The following KCTD18 variants were observed in gnomAD, a reference collection of about 807,000 sequenced individuals.
KCTD18 encodes BTB/POZ domain-containing protein KCTD18.
KCTD18 carries 22 observed loss-of-function variants against 30.4 expected under a neutral mutation model. That is an observed-to-expected ratio of 0.72 (90% CI 0.52 to 1.03). The LOEUF (loss-of-function observed/expected upper bound fraction) is 1.03, where lower values mean the gene tolerates loss of function less well. Among genes scored for constraint, KCTD18 ranks in the 50% least tolerant of loss-of-function variants. KCTD18 has a pLI of 0.00. For missense variants in KCTD18, 529 were observed against 547.6 expected (o/e 0.97, Z 0.34); for synonymous variants, 186 against 209.0 (o/e 0.89, Z 0.95).
In KCTD18 at chr2:200,489,399, T is replaced by C. The variant is rs1206313511; in HGVS notation, c.*701A>G. The C allele has an allele frequency of 6.6e-6, 1 of 152,546 alleles. No homozygotes were observed. Among genetic ancestry groups the C allele is most frequent in the East Asian group, 1.9e-4 (1 of 5,208 alleles). The allele number at this position is 152,546 out of a possible 1,614,324, so 9.4% of individuals were successfully genotyped here. A position where few individuals can be genotyped will look rare whatever the true frequency, so the allele number is the denominator to read the frequency against. ...ACTTCACTATTCAAATTAAATAGGA[T>C]ATTTTAATAATTTACTTCAAAGATA... is the stretch of plus-strand genomic sequence containing the variant. On this transcript the variant is annotated 3_prime_UTR_variant, in exon 7 of 7. Transcript: ENST00000359878.
intron 2 of KCTD18, 118 bp downstream of exon 2, chr2:200,506,739 T>C: frequency 1.2e-6 from 1 of 837,054 alleles, no homozygotes; most frequent in Non-Finnish European, 1.9e-6. Flanking sequence ...AGAGTCCTAA[T>C]GATCTCAGTA....
intron 3 of KCTD18, among the ~76,000 whole-genome samples, chr2:200,503,297 T>C (rs570600478): frequency 6.6e-6 from 1 of 152,230 alleles, no homozygotes; most frequent in Non-Finnish European, 1.5e-5. Flanking sequence ...TGCACTTTCA[T>C]TTAATATTGC....
rs1387965738 is a variant in KCTD18, at chr2:200,504,831, TGCCAAA to T, written c.283_288del (p.Phe95_Gly96del). 2 of 1,614,080 alleles carry T rather than the reference TGCCAAA, an allele frequency of 1.2e-6. No homozygotes were observed. The highest frequency in any genetic ancestry group is 3.3e-5 in the Admixed American group (2 of 60,002). ...TCAGACAGGCTGTATGGATAAGGGA[TGCCAAA>T]GTAATCAGCCTCTTCCTGTAGGGCG... On this transcript the variant is annotated inframe_deletion, in exon 3 of 7. Transcript: ENST00000359878.
In KCTD18 at chr2:200,492,986, T is replaced by C. The variant is rs183995897; in HGVS notation, c.764+186A>G. On this transcript the variant is annotated intron_variant, in intron 6 of 6. Coordinates refer to ENST00000359878, the MANE Select transcript of KCTD18 (RefSeq NM_152387.4). ...GCAGTTACAAAGAATTATAGCCACT[T>C]TTTACATAGTTTTGGTAACTTTATA... is the stretch of plus-strand genomic sequence containing the variant. Among the ~76,000 whole-genome samples the C allele has an allele frequency of 3.0e-4, 46 of 152,352 alleles. No homozygotes were observed. The East Asian group carries it at 8.3e-3, about 27-fold the overall frequency.
In KCTD18 at chr2:200,489,753, GGTTGCAACAAGTAAC is replaced by G; in HGVS notation, c.*332_*346del. On this transcript the variant is annotated 3_prime_UTR_variant, in exon 7 of 7. Coordinates refer to ENST00000359878, the MANE Select transcript of KCTD18 (RefSeq NM_152387.4). Reference sequence around the variant, plus strand: ...AGGCCAAACCTCATGCCCATCCTCGGGTTGCAACAAGTAACGTTTACTTCAGCAACAAAGTGGACC... The same window carrying G: ...AGGCCAAACCTCATGCCCATCCTCGGGTTTACTTCAGCAACAAAGTGGACC... 1 of 219,150 alleles carries G rather than the reference GGTTGCAACAAGTAAC, an allele frequency of 4.6e-6. No individual in the cohort carries two copies. The highest frequency in any genetic ancestry group is 9.0e-6 in the Non-Finnish European group (1 of 111,670). The allele number at this position is 219,150 out of a possible 1,614,324, so 13.6% of individuals were successfully genotyped here.
chr2:200,494,851 C>T (rs1250122208), intron 5 of KCTD18, among the ~76,000 whole-genome samples: 1 of 152,088 alleles, frequency 6.6e-6, no homozygotes, highest in African/African-American at 2.4e-5. Context: ...AATCAATGTC[C>T]CCTCCATATC....
Position 200,499,036 on chromosome 2 carries a change from T to C in KCTD18, c.421A>G (p.Thr141Ala), listed in dbSNP as rs576375930. 6.2e-6 allele frequency: 10 copies of C among 1,614,080 alleles called. No individual in the cohort carries two copies. Among genetic ancestry groups the C allele is most frequent in the African/African-American group, 1.3e-5 (1 of 75,048 alleles). Reference protein sequence around the residue: ...DSYGLVCNKPTVWVLHYLNTS... With the variant: ...DSYGLVCNKPAVWVLHYLNTS... ...TTAAGATAGTGGAGAACCCAAACTG[T>C]TGGTTTATTGCAGACTAAGCCATAT... The change falls in exon 4 of 7, where the codon ACA becomes GCA. Residue 141 changes from threonine to alanine, a missense_variant. Physicochemically the swap from Thr to Ala is moderately conservative, Grantham distance 58. Transcript: ENST00000359878.
At chr2:200,500,753 A>C (rs372298028) in intron 3 of KCTD18, among the ~76,000 whole-genome samples, 7 of 151,230 alleles carry the variant, frequency 4.6e-5, no homozygotes, top group African/African-American at 1.7e-4. Flanking sequence ...GCTACCAATG[A>C]CTTTCTTCAC....
Position 200,490,378 on chromosome 2 carries a change from C to G in KCTD18, c.1003G>C (p.Val335Leu). ...GGATGCCCAGGTGCCCCCGTGCCCACCAGGGCCGTGGCTCTGGAAGGTGCA... is the reference window on the plus strand; with the variant it reads ...GGATGCCCAGGTGCCCCCGTGCCCAGCAGGGCCGTGGCTCTGGAAGGTGCA... ...RSAPSRATAL[V>L]GTGAPGHPQA... Residue 335 changes from valine to leucine, a missense_variant, in exon 7 of 7, where the codon GTG (valine) becomes CTG (leucine). Val to Leu is a conservative substitution (Grantham distance 32). Coordinates refer to ENST00000359878, the MANE Select transcript of KCTD18 (RefSeq NM_152387.4). 1 of 1,614,206 alleles carries G rather than the reference C, an allele frequency of 6.2e-7. No homozygotes were observed. Among genetic ancestry groups the G allele is most frequent in the Non-Finnish European group, 8.5e-7 (1 of 1,180,044 alleles).
chr2:200,490,880 A>G (rs185335646), intron 6 of KCTD18, among the ~76,000 whole-genome samples: 10 of 152,342 alleles, frequency 6.6e-5, no homozygotes, highest in African/African-American at 2.2e-4. Context: ...GGCACTTTAC[A>G]TAAGAATACA....
intron 3 of KCTD18, among the ~76,000 whole-genome samples, chr2:200,503,782 G>A (rs964632191): frequency 4.6e-5 from 7 of 152,136 alleles, no homozygotes; most frequent in African/African-American, 7.2e-5. Flanking sequence ...CCTAAACGCT[G>A]ACATCCAAAT....
intron 2 of KCTD18, among the ~76,000 whole-genome samples, chr2:200,506,191 A>G (rs1375782596): frequency 6.6e-6 from 1 of 152,184 alleles, no homozygotes; most frequent in Non-Finnish European, 1.5e-5. Context: ...GGGCTCATAC[A>G]CAGGGCAAAA....
At chr2:200,508,385 A>T (rs13425012) in intron 1 of KCTD18, among the ~76,000 whole-genome samples, 4 of 152,258 alleles carry the variant, frequency 2.6e-5, no homozygotes, top group Admixed American at 6.5e-5. Flanking sequence ...CCACTGCACC[A>T]GGCCCAGGGA....
At chr2:200,494,786 G>A (rs2087972622) in intron 5 of KCTD18, among the ~76,000 whole-genome samples, 1 of 152,136 alleles carries the variant, frequency 6.6e-6, no homozygotes, top group African/African-American at 2.4e-5. Flanking sequence ...TGTATCCATA[G>A]TCATAATCTG....
intron 4 of KCTD18, 63 bp from the exon 5 acceptor site, chr2:200,497,910 A>G: frequency 1.9e-6 from 2 of 1,072,662 alleles, no homozygotes; most frequent in South Asian, 1.3e-5. Context: ...ATATATACAT[A>G]CAGCTAATAT....
At chr2:200,509,491 A>C (rs973788535) in intron 1 of KCTD18, 137 bp downstream of exon 1, 1 of 152,388 alleles carries the variant, frequency 6.6e-6, no homozygotes, top group Non-Finnish European at 1.5e-5. Context: ...AAGGATAGGA[A>C]CATCATCATT....
In KCTD18 at chr2:200,499,037, T is replaced by C. The variant is rs1271833703; in HGVS notation, c.420A>G (p.Pro140=). 2 of 1,614,088 alleles carry C rather than the reference T, an allele frequency of 1.2e-6. No homozygotes were observed. The highest frequency in any genetic ancestry group is 2.7e-5 in the African/African-American group (2 of 75,050). The part of the protein sequence containing the change: ...CDSYGLVCNK[P]TVWVLHYLNT... ...TAAGATAGTGGAGAACCCAAACTGTTGGTTTATTGCAGACTAAGCCATATG... is the reference window on the plus strand; with the variant it reads ...TAAGATAGTGGAGAACCCAAACTGTCGGTTTATTGCAGACTAAGCCATATG... The change falls in exon 4 of 7, where the codon CCA becomes CCG. Residue 140 remains proline (P), a synonymous_variant. Transcript: ENST00000359878.
At chr2:200,497,462 A>G (rs924296952) in intron 5 of KCTD18, 6 of 226,548 alleles carry the variant, frequency 2.6e-5, no homozygotes, top group Non-Finnish European at 5.1e-5. Context: ...AATTTGAAGT[A>G]TTTTTCCAAT....
rs2087949520 is a variant in KCTD18, at chr2:200,493,271, A to C, written c.665T>G (p.Val222Gly). The C allele has an allele frequency of 1.9e-6, 3 of 1,582,268 alleles. No homozygotes were observed. In the South Asian group the frequency reaches 3.3e-5, roughly 17 times the overall value. Reference sequence around the variant, plus strand: ...CTCATGAGGCACCCGCCAGTAGCTAACACCTGGAAGGTAAAAAGACATAAT... The same window carrying C: ...CTCATGAGGCACCCGCCAGTAGCTACCACCTGGAAGGTAAAAAGACATAAT... ...DAFDAWEGKG[V>G]SYWRVPHELI... The change falls in exon 6 of 7, where the codon GTT becomes GGT. Residue 222 changes from valine (V) to glycine (G), a missense_variant. Val to Gly is a moderately radical substitution (Grantham distance 109). Transcript: ENST00000359878.
Sources: gnomAD v4.1 joint callset for allele counts (sites outside exome capture counted in the v4.1 genomes callset) on GRCh38, gnomAD v4.1.1 for gene constraint, MANE v1.5 for transcripts, NCBI Gene and HGNC (gene_info 2026-07-23, HGNC 2026-07-21) for gene names.